The following KAT2B variants were observed in gnomAD, a reference collection of about 807,000 sequenced individuals.
KAT2B encodes the protein histone acetyltransferase KAT2B.
Under a neutral mutation model 105.9 loss-of-function variants are expected in KAT2B, and 36 were observed. The observed-to-expected ratio is 0.34, with a 90% CI of 0.26 to 0.45. The LOEUF (loss-of-function observed/expected upper bound fraction) is 0.45, where lower values mean the gene tolerates loss of function less well. Ranked by LOEUF, KAT2B falls within the 20% of genes least tolerant of loss-of-function variation. KAT2B has a pLI of 1.00. For synonymous variants in KAT2B, 397 were observed against 377.9 expected (o/e 1.05, Z -0.59); for missense variants, 820 against 1,021.6 (o/e 0.80, Z 2.69).
intron 2 of KAT2B, among the ~76,000 whole-genome samples, chr3:20,082,789 A>G (rs1458156881): frequency 6.6e-6 from 1 of 152,198 alleles, no homozygotes; most frequent in Admixed American, 6.5e-5. Flanking sequence ...ATCCCTCCCC[A>G]CCAAATACGT....
At chr3:20,125,093 C>T (rs1417847029) in intron 9 of KAT2B, among the ~76,000 whole-genome samples, 1 of 152,024 alleles carries the variant, frequency 6.6e-6, no homozygotes, top group East Asian at 1.9e-4. Context: ...GAGGCCGAGG[C>T]GGGCAGATCA....
intron 5 of KAT2B, among the ~76,000 whole-genome samples, chr3:20,102,198 C>T (rs144415153): frequency 6.6e-6 from 1 of 152,168 alleles, no homozygotes; most frequent in Non-Finnish European, 1.5e-5. Flanking sequence ...TGACTGTAAT[C>T]CTGGCTACTT....
intron 17 of KAT2B, among the ~76,000 whole-genome samples, chr3:20,149,214 A>C (rs572525771): frequency 6.6e-6 from 1 of 152,236 alleles, no homozygotes; most frequent in South Asian, 2.1e-4. Flanking sequence ...TTTATCAGCT[A>C]TGTGGCCATA....
intron 3 of KAT2B, among the ~76,000 whole-genome samples, chr3:20,098,805 C>T (rs1432540784): frequency 1.3e-5 from 2 of 152,100 alleles, no homozygotes; most frequent in African/African-American, 4.8e-5. Context: ...AAAGGATGAA[C>T]AGATGCCCCA....
At chr3:20,060,972 T>C (rs1222971798) in intron 1 of KAT2B, among the ~76,000 whole-genome samples, 1 of 151,954 alleles carries the variant, frequency 6.6e-6, no homozygotes, top group African/African-American at 2.4e-5. Flanking sequence ...ACAACAAAAC[T>C]GTGGTAAAAT....
At chr3:20,133,476 G>A (rs1699546405) in intron 11 of KAT2B, among the ~76,000 whole-genome samples, 1 of 152,052 alleles carries the variant, frequency 6.6e-6, no homozygotes. Flanking sequence ...CATAATTGCA[G>A]GAATTTCTAT....
chr3:20,051,673 C>G (rs186292509), intron 1 of KAT2B, among the ~76,000 whole-genome samples: 2 of 152,274 alleles, frequency 1.3e-5, no homozygotes, highest in East Asian at 3.9e-4. Flanking sequence ...GCCACCCTCT[C>G]CCCAGGAATG....
intron 1 of KAT2B, among the ~76,000 whole-genome samples, chr3:20,061,970 TATTA>T (rs1227244820): frequency 1.0e-5 from 1 of 100,040 alleles, no homozygotes; most frequent in East Asian, 2.5e-4. Context: ...ACATAATATA[TATTA>T]TATATAAAAC....
chr3:20,057,737 T>G (rs956666987), intron 1 of KAT2B, among the ~76,000 whole-genome samples: 12 of 152,172 alleles, frequency 7.9e-5, no homozygotes, highest in Non-Finnish European at 1.5e-4. Flanking sequence ...TGCTTAGGTT[T>G]GCTCCTGGAG....
chr3:20,138,198 A>AT (rs1001307145), intron 12 of KAT2B, among the ~76,000 whole-genome samples: 6 of 152,098 alleles, frequency 3.9e-5, no homozygotes, highest in Non-Finnish European at 7.4e-5. Flanking sequence ...TAATGCTTTG[A>AT]TTTTTTTATT....
chr3:20,125,328 A>G (rs1699382426), intron 9 of KAT2B, among the ~76,000 whole-genome samples: 1 of 148,448 alleles, frequency 6.7e-6, no homozygotes, highest in South Asian at 2.1e-4. Flanking sequence ...AAAAAAAAGA[A>G]TATATACATG....
intron 14 of KAT2B, chr3:20,146,657 A>C: frequency 3.3e-6 from 1 of 307,652 alleles, no homozygotes. Context: ...ATAGCTGTTA[A>C]TATCCACCAC....
At chr3:20,062,013 T>A (rs1441375909) in intron 1 of KAT2B, among the ~76,000 whole-genome samples, 1 of 70,194 alleles carries the variant, frequency 1.4e-5, no homozygotes, top group Non-Finnish European at 3.1e-5. Context: ...ATAATATATA[T>A]TATATATAAA....
intron 12 of KAT2B, 25 bp from the exon 13 acceptor site, chr3:20,140,196 A>G (rs369046076): frequency 2.6e-5 from 38 of 1,467,926 alleles, no homozygotes; most frequent in Non-Finnish European, 3.4e-5. Flanking sequence ...TGGTGTTCAT[A>G]TGAATGAATT....
chr3:20,108,018 C>T (rs1289333115), intron 5 of KAT2B, among the ~76,000 whole-genome samples: 5 of 152,082 alleles, frequency 3.3e-5, no homozygotes, highest in Admixed American at 3.3e-4. Flanking sequence ...TCATGTTCCC[C>T]AGGCTGGTCT....
intron 1 of KAT2B, among the ~76,000 whole-genome samples, chr3:20,060,677 T>C (rs1466132471): frequency 6.6e-6 from 1 of 151,984 alleles, no homozygotes; most frequent in Non-Finnish European, 1.5e-5. Flanking sequence ...GTAATCTTAG[T>C]ACTTTGGGAG....
At chr3:20,087,995 G>A (rs967072867) in intron 2 of KAT2B, among the ~76,000 whole-genome samples, 2 of 151,918 alleles carry the variant, frequency 1.3e-5, no homozygotes, top group African/African-American at 4.8e-5. Context: ...TACCAAGGCT[G>A]GTCTTGAACT....
chr3:20,101,290 G>A lies in KAT2B; in HGVS notation c.673G>A (p.Val225Met). 1 of 1,613,690 alleles carries A rather than the reference G, an allele frequency of 6.2e-7. No homozygotes were observed. The highest frequency in any genetic ancestry group is 8.5e-7 in the Non-Finnish European group (1 of 1,179,730). ...AATTGCCTTCCCTCTTTTTAAGGGTGTGAATAACTTTGTGCAGTACAAATT... is the reference window on the plus strand; with the variant it reads ...AATTGCCTTCCCTCTTTTTAAGGGTATGAATAACTTTGTGCAGTACAAATT... ...PFEKPSIEQG[V>M]NNFVQYKFSH... Residue 225 changes from valine to methionine, a missense_variant, in exon 5 of 18, where the codon GTG (valine) becomes ATG (methionine). This residue lies in a region of KAT2B where 173 missense variants were observed against 249.5 expected (regional missense o/e 0.69). Coordinates refer to ENST00000263754, the MANE Select transcript of KAT2B (RefSeq NM_003884.5).
intron 1 of KAT2B, among the ~76,000 whole-genome samples, chr3:20,062,614 G>T (rs768049210): frequency 6.6e-6 from 1 of 150,832 alleles, no homozygotes; most frequent in African/African-American, 2.4e-5. Flanking sequence ...GGCATGCGCC[G>T]CCACGCCCAG....
Sources: gnomAD v4.1 joint callset for allele counts (sites outside exome capture counted in the v4.1 genomes callset) on GRCh38, gnomAD v4.1.1 for gene constraint, gnomAD v4.1.1 regional missense constraint, MANE v1.5 for transcripts, NCBI Gene and HGNC (gene_info 2026-07-23, HGNC 2026-07-21) for gene names.